The following PSEN1 variants were observed in gnomAD, a reference collection of about 807,000 sequenced individuals.
PSEN1 encodes presenilin-1.
Under a neutral mutation model 53.5 loss-of-function variants are expected in PSEN1, and 15 were observed. The ratio of observed to expected loss-of-function variants is 0.28; its 90% CI spans 0.19 to 0.43. The LOEUF (loss-of-function observed/expected upper bound fraction) is 0.43, where lower values mean the gene tolerates loss of function less well. Among genes scored for constraint, PSEN1 ranks in the 20% least tolerant of loss-of-function variants. The pLI, the probability that PSEN1 is intolerant of heterozygous loss-of-function variation, is 1.00. For missense variants in PSEN1, 387 were observed against 571.2 expected, an observed-to-expected ratio of 0.68 and a Z score of 3.29; for synonymous variants, 208 against 209.8, an observed-to-expected ratio of 0.99 and a Z score of 0.08.
chr14:73,208,686 G>T, intron 9 of PSEN1: 1 of 379,090 alleles, frequency 2.6e-6, no homozygotes, highest in East Asian at 7.4e-5. Context: ...ATGGGTCCAT[G>T]GGTGGCCATG....
At chr14:73,202,813 T>C (rs1293126229) in intron 8 of PSEN1, among the ~76,000 whole-genome samples, 5 of 151,966 alleles carry the variant, frequency 3.3e-5, no homozygotes, top group Non-Finnish European at 5.9e-5. Context: ...CTGTGCTCGC[T>C]TTAGCAGCAC....
rs1413134956 is a variant in PSEN1 at position 73,222,585 on chromosome 14, T to A, written c.*3296T>A. 1 of 152,118 alleles carries A rather than the reference T, an allele frequency of 6.6e-6. No homozygotes were observed. Among genetic ancestry groups the A allele is most frequent in the African/African-American group, 2.4e-5 (1 of 41,410 alleles). The allele number at this position is 152,118 out of a possible 1,614,324, so 9.4% of individuals were successfully genotyped here. ...GAGCTCAGAAACCACTATGAAAAAA[T>A]TTGTTCAGTGTTTTCTGTGTTCCCG... On this transcript the variant is annotated 3_prime_UTR_variant, in exon 12 of 12. Coordinates refer to ENST00000324501, the MANE Select transcript of PSEN1 (RefSeq NM_000021.4).
intron 5 of PSEN1, among the ~76,000 whole-genome samples, chr14:73,186,040 G>A (rs1430118116): frequency 1.3e-5 from 2 of 152,148 alleles, no homozygotes; most frequent in African/African-American, 4.8e-5. Flanking sequence ...GAAAATTTTT[G>A]TGGAAGAACA....
chr14:73,148,107 G>A lies in PSEN1; in HGVS notation c.87+1G>A. 6.2e-7 allele frequency: 1 copy of A among 1,610,804 alleles called. No homozygotes were observed. The highest frequency in any genetic ancestry group is 8.5e-7 in the Non-Finnish European group (1 of 1,177,310). ...CCTGAGCAATACTGTACGTAGCCAG[G>A]TACAGTGTCAGTCTCTGAAACTGCC... On this transcript the variant is annotated splice_donor_variant, in intron 3 of 11. Coordinates refer to ENST00000324501, the MANE Select transcript of PSEN1 (RefSeq NM_000021.4). LOFTEE classifies it high-confidence loss of function.
At chr14:73,203,948 A>C in intron 8 of PSEN1, among the ~76,000 whole-genome samples, 1 of 152,082 alleles carries the variant, frequency 6.6e-6, no homozygotes, top group Non-Finnish European at 1.5e-5. Flanking sequence ...GAGCCCAGGA[A>C]TTCAAGACCA....
rs902914283 is a variant in PSEN1, at chr14:73,183,586, A to G, written c.481-3267A>G. The stretch of plus-strand genomic sequence containing the variant: ...CCATTCAACCCTGAGTGGACACAGC[A>G]CATGTTTCAGAGAGCACAGGGTTGG... On this transcript the variant is annotated intron_variant, in intron 5 of 11. Transcript: ENST00000324501. 1.7e-3 allele frequency among the ~76,000 whole-genome samples: 257 copies of G among 152,300 alleles called. 2 individuals carry two copies. Among genetic ancestry groups the G allele is most frequent in the African/African-American group, 5.7e-3 (236 of 41,560 alleles).
chr14:73,153,057 T>A (rs540700493), intron 3 of PSEN1, among the ~76,000 whole-genome samples: 2 of 152,022 alleles, frequency 1.3e-5, no homozygotes, highest in African/African-American at 4.8e-5. Context: ...CTCAAATAAA[T>A]ACATAGACAA....
intron 3 of PSEN1, among the ~76,000 whole-genome samples, chr14:73,161,909 C>T (rs1376442475): frequency 6.7e-6 from 1 of 149,236 alleles, no homozygotes; most frequent in Non-Finnish European, 1.5e-5. Flanking sequence ...AATCCCAGCA[C>T]TTTGGGAGGC....
intron 3 of PSEN1, among the ~76,000 whole-genome samples, chr14:73,161,721 C>T (rs770629885): frequency 2.0e-5 from 3 of 152,172 alleles, no homozygotes; most frequent in South Asian, 2.1e-4. Flanking sequence ...CCTTGGTGTC[C>T]GGGTCACACA....
At chr14:73,184,698 C>T (rs1462203456) in intron 5 of PSEN1, among the ~76,000 whole-genome samples, 4 of 122,130 alleles carry the variant, frequency 3.3e-5, no homozygotes, top group South Asian at 3.2e-4. Context: ...GGGGGGCTGA[C>T]CCCCCCACCT....
At chr14:73,144,091 A>AATG (rs1897002385) in intron 1 of PSEN1, among the ~76,000 whole-genome samples, 2 of 131,056 alleles carry the variant, frequency 1.5e-5, no homozygotes, top group Non-Finnish European at 1.5e-5. Flanking sequence ...CCCAGGCAGG[A>AATG]ATGCAGTGGC....
chr14:73,137,723 G>A (rs1366045181), intron 1 of PSEN1, among the ~76,000 whole-genome samples: 1 of 152,166 alleles, frequency 6.6e-6, no homozygotes, highest in African/African-American at 2.4e-5. Flanking sequence ...AGGTTGGCAG[G>A]GATTTTGAGT....
At chr14:73,171,773 G>C (rs555617277) in intron 4 of PSEN1, among the ~76,000 whole-genome samples, 1 of 152,296 alleles carries the variant, frequency 6.6e-6, no homozygotes, top group Non-Finnish European at 1.5e-5. Context: ...GCTTTACGAG[G>C]AAGTTAAGTT....
chr14:73,210,297 A>G (rs1899626914), intron 9 of PSEN1, among the ~76,000 whole-genome samples: 1 of 152,252 alleles, frequency 6.6e-6, no homozygotes, highest in Non-Finnish European at 1.5e-5. Context: ...TAATTATAGT[A>G]TATTCTGGCT....
At chr14:73,205,112 A>T (rs1369333632) in intron 8 of PSEN1, among the ~76,000 whole-genome samples, 1 of 152,198 alleles carries the variant, frequency 6.6e-6, no homozygotes, top group Non-Finnish European at 1.5e-5. Context: ...AAGCCTGAGT[A>T]TTAGAAACAT....
intron 5 of PSEN1, among the ~76,000 whole-genome samples, chr14:73,181,303 G>T (rs765053487): frequency 6.6e-5 from 10 of 152,184 alleles, no homozygotes; most frequent in Non-Finnish European, 1.0e-4. Context: ...TTAGCTGGGC[G>T]TGGTGGCGAG....
intron 1 of PSEN1, among the ~76,000 whole-genome samples, chr14:73,144,579 GAATTC>G (rs1594959959): frequency 6.6e-6 from 1 of 152,174 alleles, no homozygotes; most frequent in African/African-American, 2.4e-5. Context: ...TGTACTCTGT[GAATTC>G]CAACTCCTCA....
chr14:73,184,255 A>C (rs1464121733), intron 5 of PSEN1, among the ~76,000 whole-genome samples: 8 of 48,616 alleles, frequency 1.6e-4, no homozygotes, highest in Admixed American at 4.2e-4. Context: ...CGGGGGGCTG[A>C]CCCCCCCACC....
At chr14:73,157,732 C>T (rs1193010115) in intron 3 of PSEN1, among the ~76,000 whole-genome samples, 3 of 151,926 alleles carry the variant, frequency 2.0e-5, no homozygotes, top group African/African-American at 4.8e-5. Flanking sequence ...AGGCCGGGCA[C>T]GGTGGCTCAT....
Sources: gnomAD v4.1 joint callset for allele counts (sites outside exome capture counted in the v4.1 genomes callset) on GRCh38, gnomAD v4.1.1 for gene constraint, MANE v1.5 for transcripts, NCBI Gene and HGNC (gene_info 2026-07-23, HGNC 2026-07-21) for gene names.